The following AEBP2 variants were observed in gnomAD, a reference collection of about 807,000 sequenced individuals.
AEBP2 encodes the protein AE binding protein 2, also known as zinc finger protein AEBP2.
Under a neutral mutation model 50.8 loss-of-function variants are expected in AEBP2, and 10 were observed. The ratio of observed to expected loss-of-function variants is 0.20; its 90% confidence interval spans 0.12 to 0.33. The LOEUF is 0.33. Among genes scored for constraint, AEBP2 ranks in the 10% least tolerant of loss-of-function variants. The probability of loss-of-function intolerance (pLI) is 1.00; values close to 1 mark genes in which losing one functional copy is unlikely to be tolerated. For missense variants in AEBP2, 570 were observed against 688.0 expected (o/e 0.83, Z 1.92); for synonymous variants, 296 against 261.3 (o/e 1.13, Z -1.28).
intron 1 of AEBP2, among the ~76,000 whole-genome samples, chr12:19,404,996 G>A (rs2095735456): frequency 6.9e-6 from 1 of 145,716 alleles, no homozygotes; most frequent in African/African-American, 2.6e-5. Context: ...GTGCAGTGGC[G>A]AGATCTGGAC....
rs998317989 is a variant in AEBP2 at position 19,520,888 on chromosome 12, T to C, written c.*2771T>C. 4 of 152,212 alleles carry C rather than the reference T, an allele frequency of 2.6e-5. No individual in the cohort carries two copies. The highest frequency in any genetic ancestry group is 4.4e-5 in the Non-Finnish European group (3 of 68,022). The allele number at this position is 152,212 out of a possible 1,614,324, so 9.4% of individuals were successfully genotyped here. Reference sequence around the variant, plus strand: ...GTGGAAAATTCCACGCCTGACCTCATGTGACTGGTCATAGTCAAAACAATT... The same window carrying C: ...GTGGAAAATTCCACGCCTGACCTCACGTGACTGGTCATAGTCAAAACAATT... On this transcript the variant is annotated 3_prime_UTR_variant, in exon 8 of 8. Coordinates refer to ENST00000266508, the MANE Select transcript of AEBP2 (RefSeq NM_153207.5).
At chr12:19,457,507 C>T (rs766849486) in intron 1 of AEBP2, 1 of 1,489,836 alleles carries the variant, frequency 6.7e-7, no homozygotes, top group African/African-American at 1.4e-5. Context: ...TTTCCCATCT[C>T]AGCAGCCTCC....
rs1182501807 is a variant in AEBP2, at chr12:19,518,122, TAAATA to T, written c.*8_*12del. 6.3e-7 allele frequency: 1 copy of T among 1,592,034 alleles called. No homozygotes were observed. Among genetic ancestry groups the T allele is most frequent in the Non-Finnish European group, 8.6e-7 (1 of 1,168,976 alleles). On this transcript the variant is annotated 3_prime_UTR_variant, in exon 8 of 8. Transcript: ENST00000266508. Reference sequence around the variant, plus strand: ...CAGAAGAGGTTGAAGAGGTAAAAAATAAATAAATACATAAAAAGCAAACAAGCGGG... The same window carrying T: ...CAGAAGAGGTTGAAGAGGTAAAAAATAATACATAAAAAGCAAACAAGCGGG...
chr12:19,419,067 G>T, intron 1 of AEBP2: 3 of 167,364 alleles, frequency 1.8e-5, no homozygotes, highest in South Asian at 1.7e-4. Flanking sequence ...CTTTTCACTG[G>T]GGATGTCCTT....
At chr12:19,425,349 G>T (rs2095747980) in intron 1 of AEBP2, among the ~76,000 whole-genome samples, 1 of 152,146 alleles carries the variant, frequency 6.6e-6, no homozygotes, top group Admixed American at 6.6e-5. Context: ...AATGTGTTTT[G>T]TATTGGTGAA....
At chr12:19,408,036 A>C (rs980174664) in intron 1 of AEBP2, among the ~76,000 whole-genome samples, 4 of 146,106 alleles carry the variant, frequency 2.7e-5, no homozygotes, top group African/African-American at 1.0e-4. Context: ...GGGCAACAAG[A>C]GTGAAACTCT....
At position 19,497,895 on chromosome 12, in the gene AEBP2, A is replaced by C. The variant is rs143113402; in HGVS notation, c.1175-2202A>C. Among the ~76,000 whole-genome samples the C allele has an allele frequency of 3.2e-3, 488 of 152,354 alleles. 2 individuals carry two copies. Among genetic ancestry groups the C allele is most frequent in the Middle Eastern group, 0.017 (5 of 294 alleles). ...CTACTGCACATTATACAAAATTGCCAAGAAGGAATATTGAAAAAGAATGAG... is the reference window on the plus strand; with the variant it reads ...CTACTGCACATTATACAAAATTGCCCAGAAGGAATATTGAAAAAGAATGAG... On this transcript the variant is annotated intron_variant, in intron 4 of 7. Transcript: ENST00000266508.
intron 1 of AEBP2, among the ~76,000 whole-genome samples, chr12:19,418,520 C>G (rs1565695656): frequency 6.6e-6 from 1 of 151,860 alleles, no homozygotes; most frequent in Non-Finnish European, 1.5e-5. Flanking sequence ...CGTGAGCCAC[C>G]ATACTTGGCC....
At chr12:19,486,789 C>T (rs1366433223) in intron 3 of AEBP2, among the ~76,000 whole-genome samples, 4 of 151,738 alleles carry the variant, frequency 2.6e-5, no homozygotes, top group African/African-American at 7.3e-5. Flanking sequence ...TTAATACTAC[C>T]AGTCCTTTCT....
At chr12:19,482,956 A>G (rs544533371) in intron 3 of AEBP2, among the ~76,000 whole-genome samples, 7 of 151,982 alleles carry the variant, frequency 4.6e-5, no homozygotes, top group African/African-American at 1.7e-4. Context: ...TACTGCTCAG[A>G]CCTTGCCCCA....
chr12:19,490,892 C>T (rs1948887218), intron 3 of AEBP2, among the ~76,000 whole-genome samples: 1 of 152,188 alleles, frequency 6.6e-6, no homozygotes, highest in Admixed American at 6.6e-5. Flanking sequence ...GAATGTGGAG[C>T]TAGCTGGTGA....
upstream of AEBP2, among the ~76,000 whole-genome samples, chr12:19,435,733 C>A (rs757950172): frequency 1.5e-4 from 23 of 152,130 alleles, no homozygotes; most frequent in Non-Finnish European, 3.2e-4. Context: ...ATTAATGAAA[C>A]CAGATATAGT....
At chr12:19,478,871 C>T (rs949128180) in intron 3 of AEBP2, among the ~76,000 whole-genome samples, 1 of 152,028 alleles carries the variant, frequency 6.6e-6, no homozygotes, top group African/African-American at 2.4e-5. Context: ...TTTATAGAGA[C>T]TTGTTTTGTG....
Position 19,486,493 on chromosome 12 carries a change from G to C in AEBP2, c.988-7307G>C, listed in dbSNP as rs547395640. Among the ~76,000 whole-genome samples, 6 of 152,148 alleles carry C rather than the reference G, an allele frequency of 3.9e-5. No individual in the cohort carries two copies. The South Asian group carries it at 1.2e-3, about 32-fold the overall frequency. On this transcript the variant is annotated intron_variant, in intron 3 of 7. Transcript: ENST00000266508. The stretch of plus-strand genomic sequence containing the variant: ...TGCAGCCTCAATCTCCCTGGCTCAG[G>C]TGTTACTCATACTACAGTCTCCCAA...
At chr12:19,468,087 G>A (rs956698450) in intron 2 of AEBP2, among the ~76,000 whole-genome samples, 1 of 150,392 alleles carries the variant, frequency 6.6e-6, no homozygotes, top group Non-Finnish European at 1.5e-5. Context: ...TGGGCTTGGT[G>A]GTACCGTGGA....
In AEBP2 at chr12:19,415,229, G is replaced by A. The variant is rs544467611; in HGVS notation, c.-17+11013G>A. 4.9e-5 allele frequency among the ~76,000 whole-genome samples: 7 copies of A among 144,174 alleles called. No individual in the cohort carries two copies. The South Asian group carries it at 9.1e-4, about 19-fold the overall frequency. 94.6% of individuals were successfully genotyped at this position (144,174 alleles called of 152,430 possible). A position where few individuals can be genotyped will look rare whatever the true frequency, so the allele number is the denominator to read the frequency against. ...CTTGGGGGGCTGACGTGGGAGAATC[G>A]CTTGAGCTGGAAGGCAGAGGTTGCA... On this transcript the variant is annotated intron_variant, in intron 1 of 3. Transcript: ENST00000538425.
At chr12:19,445,161 A>C (rs1948037447) in intron 1 of AEBP2, among the ~76,000 whole-genome samples, 1 of 151,888 alleles carries the variant, frequency 6.6e-6, no homozygotes, top group South Asian at 2.1e-4. Context: ...TGTGATGGGT[A>C]TATTCTACAG....
At chr12:19,456,882 C>CT in intron 1 of AEBP2, 1 of 1,484,730 alleles carries the variant, frequency 6.7e-7, no homozygotes, top group Non-Finnish European at 9.4e-7. Flanking sequence ...TGTAGACATC[C>CT]TGGAGAGGCA....
chr12:19,464,993 C>G (rs981768318), intron 2 of AEBP2, among the ~76,000 whole-genome samples: 4 of 152,028 alleles, frequency 2.6e-5, no homozygotes, highest in Admixed American at 6.6e-5. Flanking sequence ...TGGCATTTGT[C>G]CCGTAAGTGT....
Sources: allele counts gnomAD v4.1 joint callset (sites outside exome capture counted in the v4.1 genomes callset), GRCh38; gene constraint gnomAD v4.1.1; transcripts MANE v1.5; gene names NCBI Gene and HGNC (gene_info 2026-07-23, HGNC 2026-07-21).